Variants in ENOX1 observed in about 807,000 individuals in gnomAD.
ENOX1 encodes the protein candidate growth-related and time keeping constitutive hydroquinone (NADH) oxidase.
ENOX1 carries 42 observed loss-of-function variants against 82.5 expected under a neutral mutation model. The observed-to-expected ratio is 0.51, with a 90% confidence interval of 0.40 to 0.66. The LOEUF is 0.66. Among genes scored for constraint, ENOX1 ranks in the 30% least tolerant of loss-of-function variants. The probability of loss-of-function intolerance (pLI) is 0.00; values close to 1 mark genes in which losing one functional copy is unlikely to be tolerated. For missense variants in ENOX1, 608 were observed against 811.6 expected, an observed-to-expected ratio of 0.75 and a Z score of 3.05; for synonymous variants, 271 against 282.2, an observed-to-expected ratio of 0.96 and a Z score of 0.40.
At chr13:43,684,399 G>A (rs2085959007) in intron 1 of ENOX1, among the ~76,000 whole-genome samples, 1 of 152,152 alleles carries the variant, frequency 6.6e-6, no homozygotes, top group Non-Finnish European at 1.5e-5. Flanking sequence ...GAATTGTCTA[G>A]AGGAAGGTTT....
intron 14 of ENOX1, among the ~76,000 whole-genome samples, chr13:43,254,877 G>T (rs943681675): frequency 9.2e-5 from 14 of 152,086 alleles, no homozygotes; most frequent in African/African-American, 3.4e-4. Context: ...CAAGTAATGA[G>T]ATTGAAGCAG....
intron 1 of ENOX1, among the ~76,000 whole-genome samples, chr13:43,698,254 GC>G (rs1566789107): frequency 6.6e-6 from 1 of 152,122 alleles, no homozygotes; most frequent in East Asian, 1.9e-4. Context: ...GCCTTCAAAA[GC>G]CCCTTTAGTT....
Position 43,361,269 on chromosome 13 carries a change from C to A in ENOX1, c.382+10G>T. ...AAAATGAGCAAATATTTCTCATAGG[C>A]GTTACTTACTTGGATTTTGAGGAAA... is the stretch of plus-strand genomic sequence containing the variant. On this transcript the variant is annotated intron_variant, in intron 6 of 16. Transcript: ENST00000690772. 6.2e-7 allele frequency: 1 copy of A among 1,608,996 alleles called. No homozygotes were observed. The highest frequency in any genetic ancestry group is 8.5e-7 in the Non-Finnish European group (1 of 1,178,270).
At chr13:43,466,076 TA>T in intron 3 of ENOX1, among the ~76,000 whole-genome samples, 1 of 152,270 alleles carries the variant, frequency 6.6e-6, no homozygotes, top group Admixed American at 6.5e-5. Flanking sequence ...CAGTTCCAGT[TA>T]AAGGAATGTG....
chr13:43,333,087 T>C (rs1488526527), intron 9 of ENOX1, among the ~76,000 whole-genome samples: 1 of 152,246 alleles, frequency 6.6e-6, no homozygotes, highest in Non-Finnish European at 1.5e-5. Context: ...TTTCACTTAA[T>C]ATATCTTGGA....
chr13:43,646,996 T>C (rs1190184770), intron 2 of ENOX1, among the ~76,000 whole-genome samples: 3 of 152,234 alleles, frequency 2.0e-5, no homozygotes, highest in Admixed American at 2.0e-4. Flanking sequence ...CTTCTTACCA[T>C]TCCATGTTCT....
At chr13:43,332,242 T>C (rs763752777) in intron 9 of ENOX1, among the ~76,000 whole-genome samples, 23 of 152,054 alleles carry the variant, frequency 1.5e-4, no homozygotes, top group Admixed American at 1.0e-3. Flanking sequence ...TGGGGATGGT[T>C]TGGGGATGAA....
intron 1 of ENOX1, among the ~76,000 whole-genome samples, chr13:43,707,004 G>GA (rs1230782734): frequency 6.6e-6 from 1 of 151,934 alleles, no homozygotes; most frequent in Non-Finnish European, 1.5e-5. Flanking sequence ...TGCTTACAGT[G>GA]AAAATTTTAA....
intron 1 of ENOX1, among the ~76,000 whole-genome samples, chr13:43,756,485 A>C (rs1296430195): frequency 1.6e-5 from 1 of 63,838 alleles, no homozygotes; most frequent in Admixed American, 2.3e-4. Context: ...GGGGAGGGGA[A>C]GGGGAGGGGA....
chr13:43,271,261 G>A (rs1019334224), intron 12 of ENOX1, among the ~76,000 whole-genome samples: 17 of 152,266 alleles, frequency 1.1e-4, no homozygotes, highest in South Asian at 1.0e-3. Flanking sequence ...ATTAATAATC[G>A]TGTATCTGTA....
chr13:43,309,167 G>C (rs2047045148), intron 11 of ENOX1, among the ~76,000 whole-genome samples: 1 of 151,814 alleles, frequency 6.6e-6, no homozygotes, highest in African/African-American at 2.4e-5. Context: ...GATTACAGGT[G>C]TGTGCCACCA....
intron 2 of ENOX1, among the ~76,000 whole-genome samples, chr13:43,495,544 T>C (rs940105727): frequency 2.0e-5 from 3 of 152,014 alleles, no homozygotes; most frequent in Non-Finnish European, 4.4e-5. Context: ...ACCTACTACA[T>C]ATAATATTAC....
At chr13:43,362,847 A>G (rs1223812992) in intron 5 of ENOX1, among the ~76,000 whole-genome samples, 1 of 152,346 alleles carries the variant, frequency 6.6e-6, no homozygotes, top group African/African-American at 2.4e-5. Flanking sequence ...CCCCAAGAGG[A>G]CTGCTGTCCC....
At chr13:43,234,766 A>T (rs2042444435) in intron 15 of ENOX1, among the ~76,000 whole-genome samples, 1 of 152,248 alleles carries the variant, frequency 6.6e-6, no homozygotes, top group African/African-American at 2.4e-5. Flanking sequence ...TGTACTGCAT[A>T]TAAAGCACAT....
rs182614851 is a variant in ENOX1 at position 43,619,600 on chromosome 13, C to T, written c.-219+47879G>A. ...CCATCCCTGCATCCCTGGTATGAAA[C>T]CCACTTGATGATGGTGGATTATCTT... On this transcript the variant is annotated intron_variant, in intron 2 of 16. Transcript: ENST00000690772. Among the ~76,000 whole-genome samples, 3 of 152,094 alleles carry T rather than the reference C, an allele frequency of 2.0e-5. No homozygotes were observed. In the East Asian group the frequency reaches 5.8e-4, roughly 29 times the overall value.
chr13:43,361,433 G>A lies in ENOX1; in HGVS notation c.228C>T (p.Gly76=). Reference sequence around the variant, plus strand: ...TCATCATGTTGAGGCTTGGATCAAAGCCTGGGACACAGATTGAGTCTGTAA... The same window carrying A: ...TCATCATGTTGAGGCTTGGATCAAAACCTGGGACACAGATTGAGTCTGTAA... ...QLVSDSICVP[G]FDPSLNMMTG... is the part of the protein sequence containing the mutation. Residue 76 remains glycine (G), a synonymous_variant, in exon 6 of 17, where the codon GGC becomes GGT. Transcript: ENST00000690772. 3 of 1,612,168 alleles carry A rather than the reference G, an allele frequency of 1.9e-6. No individual in the cohort carries two copies. The highest frequency in any genetic ancestry group is 2.5e-6 in the Non-Finnish European group (3 of 1,179,564).
intron 2 of ENOX1, among the ~76,000 whole-genome samples, chr13:43,539,351 T>C (rs940384587): frequency 6.6e-5 from 10 of 152,222 alleles, no homozygotes; most frequent in African/African-American, 2.4e-4. Context: ...GCATTTTATA[T>C]ATTTTGATAT....
chr13:43,376,963 A>G (rs1267296713), intron 5 of ENOX1, among the ~76,000 whole-genome samples: 1 of 151,968 alleles, frequency 6.6e-6, no homozygotes, highest in Non-Finnish European at 1.5e-5. Flanking sequence ...CACTCCAGCT[A>G]CCTCTTGGAC....
chr13:43,341,621 T>C (rs1027683233), intron 9 of ENOX1, among the ~76,000 whole-genome samples: 1 of 152,128 alleles, frequency 6.6e-6, no homozygotes, highest in Admixed American at 6.5e-5. Flanking sequence ...AATGGGGAGA[T>C]ACTCAAACGG....
Sources: gnomAD v4.1 joint callset for allele counts (sites outside exome capture counted in the v4.1 genomes callset) on GRCh38, gnomAD v4.1.1 for gene constraint, MANE v1.5 for transcripts, NCBI Gene and HGNC (gene_info 2026-07-23, HGNC 2026-07-21) for gene names.